TMED10: variants seen among roughly 807,000 people sequenced by gnomAD.
TMED10 encodes the protein transmembrane p24 trafficking protein 10, also known as transmembrane emp24 domain-containing protein 10.
A neutral mutation model predicts 23.1 loss-of-function variants in TMED10; 7 were observed. The observed-to-expected ratio is 0.30, with a 90% CI of 0.17 to 0.57. The LOEUF is 0.57. Among genes scored for constraint, TMED10 ranks in the 20% least tolerant of loss-of-function variants. The pLI is 0.91. For missense variants in TMED10, 162 were observed against 274.8 expected, an observed-to-expected ratio of 0.59 and a Z score of 2.90; for synonymous variants, 113 against 106.9, an observed-to-expected ratio of 1.06 and a Z score of -0.35.
chr14:75,147,797 A>ACCC, intron 2 of TMED10, 60 bp from the exon 3 acceptor site: 1 of 1,234,542 alleles, frequency 8.1e-7, no homozygotes, highest in East Asian at 4.1e-5. Context: ...GAAATTACCC[A>ACCC]CCCACCCGCC....
chr14:75,166,534 T>C (rs1896165223), intron 1 of TMED10, among the ~76,000 whole-genome samples: 1 of 152,180 alleles, frequency 6.6e-6, no homozygotes, highest in Admixed American at 6.5e-5. Flanking sequence ...GGTGTAGCAA[T>C]TTCAAACTGG....
intron 2 of TMED10, 57 bp downstream of exon 2, chr14:75,151,975 A>G: frequency 2.1e-6 from 3 of 1,424,952 alleles, no homozygotes; most frequent in Non-Finnish European, 3.0e-6. Flanking sequence ...GACTGTATTA[A>G]GGAGCATTAG....
chr14:75,147,605 A>C, intron 3 of TMED10, 59 bp downstream of exon 3: 1 of 1,577,680 alleles, frequency 6.3e-7, no homozygotes. Flanking sequence ...TGCCGAGGTC[A>C]CAGAAACCTC....
intron 2 of TMED10, among the ~76,000 whole-genome samples, chr14:75,151,208 T>G (rs1895952520): frequency 6.6e-6 from 1 of 151,364 alleles, no homozygotes; most frequent in South Asian, 2.1e-4. Context: ...CCCGGCCAGT[T>G]TTTTTTGTTG....
chr14:75,164,552 TATATATATATATATATATATATATA>T (rs1304920490), intron 1 of TMED10, among the ~76,000 whole-genome samples: 1,712 of 4,786 alleles, frequency 0.36, 135 homozygotes, highest in Middle Eastern at 0.5. Context: ...TATATATATA[TATATATATATATATATATATATATA>T]TTTTTTTTTT....
At chr14:75,166,532 A>C (rs1320219365) in intron 1 of TMED10, among the ~76,000 whole-genome samples, 3 of 152,204 alleles carry the variant, frequency 2.0e-5, no homozygotes, top group Non-Finnish European at 4.4e-5. Context: ...ATGGTGTAGC[A>C]ATTTCAAACT....
At chr14:75,170,755 A>C (rs1896223685) in intron 1 of TMED10, among the ~76,000 whole-genome samples, 1 of 152,240 alleles carries the variant, frequency 6.6e-6, no homozygotes, top group Non-Finnish European at 1.5e-5. Flanking sequence ...TTATCCTACC[A>C]ATGTGAATGA....
chr14:75,152,016 A>G lies in TMED10; in HGVS notation c.337+16T>C, dbSNP rs1279026909. ...GAGAAGATTCTTAATCCAGAGAAAC[A>G]CTCTTGATTACTCACCCTTGCTCTC... On this transcript the variant is annotated intron_variant, in intron 2 of 4. Coordinates refer to ENST00000303575, the MANE Select transcript of TMED10 (RefSeq NM_006827.6). 1 of 1,595,208 alleles carries G rather than the reference A, an allele frequency of 6.3e-7. No homozygotes were observed. Among genetic ancestry groups the G allele is most frequent in the African/African-American group, 1.3e-5 (1 of 74,638 alleles).
At chr14:75,139,659 T>C (rs2139833356) in intron 3 of TMED10, among the ~76,000 whole-genome samples, 2 of 151,816 alleles carry the variant, frequency 1.3e-5, no homozygotes, top group Middle Eastern at 6.8e-3. Context: ...AAAAATCTAT[T>C]GAATCCCATC....
intron 1 of TMED10, among the ~76,000 whole-genome samples, chr14:75,154,970 T>C (rs1288002535): frequency 1.3e-5 from 2 of 151,664 alleles, no homozygotes; most frequent in African/African-American, 4.8e-5. Flanking sequence ...GCCCTTTTTT[T>C]TTTTTTGAGA....
At chr14:75,135,982 A>G in intron 3 of TMED10, 96 bp from the exon 4 acceptor site, 1 of 1,519,620 alleles carries the variant, frequency 6.6e-7, no homozygotes. Context: ...AAGTTTCACC[A>G]GATTTAAATT....
intron 1 of TMED10, 112 bp downstream of exon 1, chr14:75,176,243 G>A (rs2139868014): frequency 7.4e-7 from 1 of 1,345,022 alleles, no homozygotes; most frequent in Non-Finnish European, 1.0e-6. Flanking sequence ...TGCGCTCCCG[G>A]GAGGCCAGAA....
At position 75,144,022 on chromosome 14, in the gene TMED10, A is replaced by C. The variant is rs138833691; in HGVS notation, c.411+3642T>G. On this transcript the variant is annotated intron_variant, in intron 3 of 4. Coordinates refer to ENST00000303575, the MANE Select transcript of TMED10 (RefSeq NM_006827.6). The stretch of plus-strand genomic sequence containing the variant: ...GCACTCAGAGAAACAGAACTTTTGG[A>C]AAGTCTTCAGCTGTTGCTCCAACCA... Among the ~76,000 whole-genome samples, 302 of 151,972 alleles carry C rather than the reference A, an allele frequency of 2.0e-3. 1 individual carries two copies. The highest frequency in any genetic ancestry group is 3.3e-3 in the Non-Finnish European group (226 of 67,992).
In TMED10 at chr14:75,176,467, A is replaced by G. The variant is rs2139868244; in HGVS notation, c.113T>C (p.Ile38Thr). Residue 38 changes from isoleucine (I) to threonine (T), a missense_variant, in exon 1 of 5, where the codon ATT (isoleucine) becomes ACT (threonine). Coordinates refer to ENST00000303575, the MANE Select transcript of TMED10 (RefSeq NM_006827.6). ...LVLAISFHLP[I>T]NSRKCLREEI... ...CTCACGGAGGCACTTGCGAGAGTTA[A>G]TGGGCAGATGGAAGGAGATGGCAAG... 6.2e-7 allele frequency: 1 copy of G among 1,614,204 alleles called. No individual in the cohort carries two copies. Among genetic ancestry groups the G allele is most frequent in the South Asian group, 1.1e-5 (1 of 91,084 alleles).
chr14:75,136,854 T>C (rs781697152), intron 3 of TMED10: 10 of 152,186 alleles, frequency 6.6e-5, no homozygotes, highest in Non-Finnish European at 1.3e-4. Flanking sequence ...AGAAATTAAC[T>C]GTCTTCTGCT....
intron 1 of TMED10, among the ~76,000 whole-genome samples, chr14:75,175,740 TAATA>T (rs772588213): frequency 7.3e-5 from 11 of 150,864 alleles, no homozygotes; most frequent in Non-Finnish European, 1.5e-4. Context: ...TAAAGTATAA[TAATA>T]ATTTTGAAAA....
At chr14:75,173,380 AAAGG>A (rs971592171) in intron 1 of TMED10, among the ~76,000 whole-genome samples, 5 of 151,406 alleles carry the variant, frequency 3.3e-5, no homozygotes, top group Admixed American at 6.6e-5. Context: ...AGGGAGGAAG[AAAGG>A]AAGGAAGGGA....
intron 2 of TMED10, among the ~76,000 whole-genome samples, chr14:75,150,682 G>A (rs756466045): frequency 4.6e-5 from 7 of 152,168 alleles, no homozygotes; most frequent in African/African-American, 7.2e-5. Flanking sequence ...TAGCCGAGGT[G>A]GGTAGTAGGC....
At chr14:75,145,751 C>T (rs1895875687) in intron 3 of TMED10, among the ~76,000 whole-genome samples, 1 of 152,176 alleles carries the variant, frequency 6.6e-6, no homozygotes, top group South Asian at 2.1e-4. Context: ...CCCGCCACTG[C>T]ACTCCAGCCT....
Sources: allele counts gnomAD v4.1 joint callset (sites outside exome capture counted in the v4.1 genomes callset), GRCh38; gene constraint gnomAD v4.1.1; transcripts MANE v1.5; gene names NCBI Gene and HGNC (gene_info 2026-07-23, HGNC 2026-07-21).